CNTNAP2: variants seen among roughly 807,000 people sequenced by gnomAD.
The protein encoded by CNTNAP2 is contactin-associated protein-like 2.
In CNTNAP2, 98 loss-of-function variants were observed where a neutral mutation model predicts 155.2. That is an observed-to-expected ratio of 0.63 (90% CI 0.54 to 0.75). The LOEUF (loss-of-function observed/expected upper bound fraction) is 0.75. Ranked by LOEUF, CNTNAP2 falls within the 30% of genes least tolerant of loss-of-function variation. The pLI is 0.00. For synonymous variants in CNTNAP2, 651 were observed against 631.2 expected (o/e 1.03, Z -0.47); for missense variants, 1,727 against 1,688.1 (o/e 1.02, Z -0.40).
chr7:148,415,561 A>G lies in CNTNAP2; in HGVS notation c.3941A>G (p.Asn1314Ser), dbSNP rs747060975. The G allele has an allele frequency of 6.2e-6, 10 of 1,614,240 alleles. No individual in the cohort carries two copies. Among genetic ancestry groups the G allele is most frequent in the Non-Finnish European group, 7.6e-6 (9 of 1,180,054 alleles). The change falls in exon 24 of 24, where the codon AAC (asparagine) becomes AGC (serine). Residue 1314 changes from asparagine (N) to serine (S), a missense_variant. Physicochemically the swap from Asn to Ser is conservative, Grantham distance 46. Transcript: ENST00000361727. ...AGCGCGGACGCCGCCATCATGAACAACGACCCCAACTTCACAGAGACCATT... is the reference window on the plus strand; with the variant it reads ...AGCGCGGACGCCGCCATCATGAACAGCGACCCCAACTTCACAGAGACCATT... The part of the protein sequence containing the change: ...AESADAAIMN[N>S]DPNFTETIDE...
At position 148,217,456 on chromosome 7, in the gene CNTNAP2, C is replaced by T. The variant is rs369254596; in HGVS notation, c.3179C>T (p.Ala1060Val). 9.3e-5 allele frequency: 150 copies of T among 1,614,166 alleles called. No homozygotes were observed. The highest frequency in any genetic ancestry group is 1.2e-4 in the Non-Finnish European group (137 of 1,180,032). ...EIRFSFSTTK[A>V]PCILLYISSF... The stretch of plus-strand genomic sequence containing the variant: ...CGCTTCAGCTTCAGCACCACCAAGG[C>T]GCCCTGCATTCTCCTCTACATCAGC... The change falls in exon 19 of 24, where the codon GCG (alanine) becomes GTG (valine). Residue 1060 changes from alanine to valine, a missense_variant. Physicochemically the swap from Ala to Val is moderately conservative, Grantham distance 64. Coordinates refer to ENST00000361727, the MANE Select transcript of CNTNAP2 (RefSeq NM_014141.6).
At chr7:147,561,855 T>A (rs1354408628) in intron 11 of CNTNAP2, among the ~76,000 whole-genome samples, 1 of 152,198 alleles carries the variant, frequency 6.6e-6, no homozygotes, top group Non-Finnish European at 1.5e-5. Flanking sequence ...TCAATGATCA[T>A]GAGCCCCAGT....
intron 13 of CNTNAP2, among the ~76,000 whole-genome samples, chr7:147,899,881 A>G (rs1173243348): frequency 2.1e-5 from 3 of 143,896 alleles, no homozygotes; most frequent in African/African-American, 7.9e-5. Context: ...CGACAGAGCC[A>G]GACTCCATCT....
chr7:146,161,634 C>A (rs761507073), intron 1 of CNTNAP2, among the ~76,000 whole-genome samples: 32 of 152,090 alleles, frequency 2.1e-4, no homozygotes, highest in Non-Finnish European at 4.1e-4. Context: ...GCTACCAATG[C>A]CTTTCTTCAC....
chr7:147,474,472 A>G (rs930101330), intron 10 of CNTNAP2, among the ~76,000 whole-genome samples: 7 of 152,082 alleles, frequency 4.6e-5, no homozygotes, highest in African/African-American at 1.7e-4. Context: ...AATCCCAGCT[A>G]CTCAGGAGGC....
intron 13 of CNTNAP2, among the ~76,000 whole-genome samples, chr7:147,714,400 GA>G (rs1796450741): frequency 6.6e-6 from 1 of 150,768 alleles, no homozygotes; most frequent in African/African-American, 2.4e-5. Flanking sequence ...TATAGTTGTG[GA>G]GGTAGAAGAG....
Position 147,075,624 on chromosome 7 carries a change from C to A in CNTNAP2, c.550+31570C>A, listed in dbSNP as rs142094093. Among the ~76,000 whole-genome samples the A allele has an allele frequency of 3.4e-4, 52 of 151,866 alleles. No individual in the cohort carries two copies. The East Asian group carries it at 9.9e-3, about 29-fold the overall frequency. ...ATGATATTTTTAAATGAATAAATTT[C>A]TTCTTTTTTCTTTTTTTTAAATTAT... On this transcript the variant is annotated intron_variant, in intron 4 of 23. Coordinates refer to ENST00000361727, the MANE Select transcript of CNTNAP2 (RefSeq NM_014141.6).
intron 1 of CNTNAP2, among the ~76,000 whole-genome samples, chr7:146,167,678 A>C (rs2116812806): frequency 6.6e-6 from 1 of 152,328 alleles, no homozygotes; most frequent in East Asian, 1.9e-4. Flanking sequence ...GGAGAAAGAT[A>C]CTGAATTTTT....
At chr7:147,032,259 A>G (rs1799049662) in intron 3 of CNTNAP2, among the ~76,000 whole-genome samples, 1 of 152,234 alleles carries the variant, frequency 6.6e-6, no homozygotes, top group Non-Finnish European at 1.5e-5. Context: ...GTATTATGAT[A>G]TAGGTAAGCA....
At chr7:147,965,351 G>T (rs1031662408) in intron 14 of CNTNAP2, among the ~76,000 whole-genome samples, 5 of 151,882 alleles carry the variant, frequency 3.3e-5, no homozygotes, top group Non-Finnish European at 5.9e-5. Flanking sequence ...ATACAAAATT[G>T]CTTAATGCTA....
chr7:146,761,363 A>G (rs577265271), intron 1 of CNTNAP2, among the ~76,000 whole-genome samples: 1 of 152,242 alleles, frequency 6.6e-6, no homozygotes, highest in East Asian at 1.9e-4. Flanking sequence ...CCCTGAAAAG[A>G]GAGGGAAGCA....
chr7:146,318,811 A>G lies in CNTNAP2; in HGVS notation c.97+201838A>G, dbSNP rs150536813. ...ATACTTAAATATGTAAATTGTTAGG[A>G]TACCTTAGAATTCAGTATAGAAATG... On this transcript the variant is annotated intron_variant, in intron 1 of 23. Transcript: ENST00000361727. Among the ~76,000 whole-genome samples the G allele has an allele frequency of 5.1e-3, 783 of 152,294 alleles. 8 individuals are homozygous for G. The highest frequency in any genetic ancestry group is 0.018 in the African/African-American group (754 of 41,558).
At chr7:146,190,186 A>G (rs1798682180) in intron 1 of CNTNAP2, among the ~76,000 whole-genome samples, 1 of 152,204 alleles carries the variant, frequency 6.6e-6, no homozygotes, top group African/African-American at 2.4e-5. Context: ...GAGACTGAAC[A>G]TTCATTTCTA....
intron 4 of CNTNAP2, among the ~76,000 whole-genome samples, chr7:147,056,973 T>A (rs953186138): frequency 9.2e-5 from 13 of 141,244 alleles, no homozygotes; most frequent in Admixed American, 2.1e-4. Flanking sequence ...GATGGGGTTA[T>A]TTTTTTTTTG....
chr7:147,747,591 C>A (rs1478961024), intron 13 of CNTNAP2, among the ~76,000 whole-genome samples: 1 of 152,126 alleles, frequency 6.6e-6, no homozygotes, highest in African/African-American at 2.4e-5. Flanking sequence ...ATACTGATTT[C>A]TTTTCTTTTG....
At chr7:147,791,698 C>T (rs1460872436) in intron 13 of CNTNAP2, among the ~76,000 whole-genome samples, 1 of 152,142 alleles carries the variant, frequency 6.6e-6, no homozygotes, top group Non-Finnish European at 1.5e-5. Flanking sequence ...AATGTGCCCT[C>T]AGCTAGCAGG....
chr7:147,483,657 T>C (rs943513643), intron 10 of CNTNAP2, among the ~76,000 whole-genome samples: 3 of 152,204 alleles, frequency 2.0e-5, no homozygotes, highest in African/African-American at 7.2e-5. Flanking sequence ...CGCAATAATT[T>C]AGAAAGTAAA....
At position 147,120,890 on chromosome 7, in the gene CNTNAP2, C is replaced by T. The variant is rs879642039; in HGVS notation, c.755-89C>T. The T allele has an allele frequency of 2.5e-5, 30 of 1,204,932 alleles. No homozygotes were observed. The African/African-American group carries it at 4.5e-4, about 18-fold the overall frequency. The allele number at this position is 1,204,932 out of a possible 1,614,324, so 74.6% of individuals were successfully genotyped here. A position where few individuals can be genotyped will look rare whatever the true frequency, so the allele number is the denominator to read the frequency against. On this transcript the variant is annotated intron_variant, in intron 5 of 23. Coordinates refer to ENST00000361727, the MANE Select transcript of CNTNAP2 (RefSeq NM_014141.6). The stretch of plus-strand genomic sequence containing the variant: ...GATAGAGCTTTGATGGAATGTCAGC[C>T]TCTAGGTGCTGTAAATGAAAGATCT...
chr7:147,030,860 G>A (rs531315444), intron 3 of CNTNAP2, among the ~76,000 whole-genome samples: 1 of 152,074 alleles, frequency 6.6e-6, no homozygotes, highest in Admixed American at 6.5e-5. Flanking sequence ...CTTCAGCCTG[G>A]GCTACAGCGC....
Sources: gnomAD v4.1 joint callset for allele counts (sites outside exome capture counted in the v4.1 genomes callset) on GRCh38, gnomAD v4.1.1 for gene constraint, MANE v1.5 for transcripts, NCBI Gene and HGNC (gene_info 2026-07-23, HGNC 2026-07-21) for gene names.